MGAT4D: variants seen among roughly 807,000 people sequenced by gnomAD.
The protein encoded by MGAT4D is alpha-1,3-mannosyl-glycoprotein 4-beta-N-acetylglucosaminyltransferase-like protein MGAT4D.
A neutral mutation model predicts 15.9 loss-of-function variants in MGAT4D; 34 were observed. The observed-to-expected ratio is 2.14, with a 90% CI of 1.62 to 2.84. MGAT4D has a LOEUF of 2.84. Among genes scored for constraint, MGAT4D ranks in the 30% most tolerant of loss-of-function variants. The probability of loss-of-function intolerance (pLI) is 0.00; values close to 1 mark genes in which losing one functional copy is unlikely to be tolerated. For synonymous variants in MGAT4D, 112 were observed against 48.2 expected (o/e 2.33, Z -5.49); for missense variants, 327 against 140.2 (o/e 2.33, Z -6.73).
intron 4 of MGAT4D, among the ~76,000 whole-genome samples, chr4:140,473,195 A>G (rs1371292318): frequency 2.6e-5 from 4 of 151,928 alleles, no homozygotes; most frequent in Non-Finnish European, 5.9e-5. Context: ...TAATGATAAC[A>G]TTATGTTAAA....
chr4:140,448,430 T>C (rs926926587), intron 10 of MGAT4D, among the ~76,000 whole-genome samples: 1 of 152,192 alleles, frequency 6.6e-6, no homozygotes, highest in Non-Finnish European at 1.5e-5. Context: ...TTTTTGACTA[T>C]CTTATTTCAG....
chr4:140,446,473 T>C (rs185578189), intron 10 of MGAT4D, among the ~76,000 whole-genome samples: 2 of 152,276 alleles, frequency 1.3e-5, no homozygotes, highest in East Asian at 3.9e-4. Flanking sequence ...TTCATAACAG[T>C]CTCTTATGGT....
Position 140,442,592 on chromosome 4 carries a change from C to A in MGAT4D, c.*844G>T, listed in dbSNP as rs1345550951. The A allele has an allele frequency of 6.6e-6, 1 of 151,942 alleles. No individual in the cohort carries two copies. Among genetic ancestry groups the A allele is most frequent in the Admixed American group, 6.6e-5 (1 of 15,242 alleles). The allele number at this position is 151,942 out of a possible 1,614,324, so 9.4% of individuals were successfully genotyped here. ...ATTTTGCACCCAATAGATAGGAATA[C>A]TTTTAAGAGATATTTTTAAAGCACA... On this transcript the variant is annotated 3_prime_UTR_variant, in exon 11 of 11. Coordinates refer to ENST00000511113, the MANE Select transcript of MGAT4D (RefSeq NM_001277353.2).
intron 1 of MGAT4D, among the ~76,000 whole-genome samples, chr4:140,495,910 T>C (rs1468239724): frequency 6.6e-6 from 1 of 152,086 alleles, no homozygotes; most frequent in Non-Finnish European, 1.5e-5. Context: ...AATTTTTGTA[T>C]TTTTAGTAGA....
chr4:140,456,799 A>T, intron 8 of MGAT4D, 80 bp from the exon 9 acceptor site: 1 of 545,514 alleles, frequency 1.8e-6, no homozygotes, highest in Admixed American at 3.3e-5. Flanking sequence ...AGCAAAAGTT[A>T]TTAAAATTTA....
intron 2 of MGAT4D, among the ~76,000 whole-genome samples, chr4:140,481,139 C>A (rs1732697165): frequency 6.6e-6 from 1 of 151,922 alleles, no homozygotes; most frequent in Non-Finnish European, 1.5e-5. Flanking sequence ...GAGACCCCAT[C>A]TCTACAAAAA....
chr4:140,492,889 G>A (rs1366152274), intron 1 of MGAT4D, among the ~76,000 whole-genome samples: 7 of 152,190 alleles, frequency 4.6e-5, no homozygotes, highest in Non-Finnish European at 8.8e-5. Flanking sequence ...AAACATCTAA[G>A]CAGAGAAGGG....
At chr4:140,474,727 A>G in intron 4 of MGAT4D, 86 bp downstream of exon 4, 1 of 442,810 alleles carries the variant, frequency 2.3e-6, no homozygotes, top group Non-Finnish European at 4.0e-6. Flanking sequence ...AGTTTTCAAC[A>G]TGGTACAATG....
rs1166158893 is a variant in MGAT4D at position 140,478,989 on chromosome 4, A to G, written c.391+501T>C. Among the ~76,000 whole-genome samples the G allele has an allele frequency of 3.3e-5, 5 of 152,196 alleles. No individual in the cohort carries two copies. The East Asian group carries it at 9.6e-4, about 29-fold the overall frequency. ...ACTCACTGGAATGAGTGAGGTTTATAGGAAAGGCAGGTATCCTGAGACTTA... is the reference window on the plus strand; with the variant it reads ...ACTCACTGGAATGAGTGAGGTTTATGGGAAAGGCAGGTATCCTGAGACTTA... On this transcript the variant is annotated intron_variant, in intron 3 of 10. Coordinates refer to ENST00000511113, the MANE Select transcript of MGAT4D (RefSeq NM_001277353.2).
In MGAT4D at chr4:140,463,739, G is replaced by A. The variant is rs530979604; in HGVS notation, c.686+1157C>T. On this transcript the variant is annotated intron_variant, in intron 6 of 10. Transcript: ENST00000511113. ...AAGTTTTCAAAGTTGTGGAAAGGGT[G>A]GAAGAGCATGCCACTTAGTTTTAGG... Among the ~76,000 whole-genome samples the A allele has an allele frequency of 1.6e-4, 25 of 152,300 alleles. 1 individual carries two copies. Among genetic ancestry groups the A allele is most frequent in the African/African-American group, 5.3e-4 (22 of 41,558 alleles).
intron 3 of MGAT4D, among the ~76,000 whole-genome samples, chr4:140,478,288 C>T (rs1228324632): frequency 6.6e-6 from 1 of 152,224 alleles, no homozygotes; most frequent in African/African-American, 2.4e-5. Context: ...ATGTCTCTCT[C>T]TCCTTCCTTT....
At chr4:140,470,110 G>A (rs571277423) in intron 5 of MGAT4D, among the ~76,000 whole-genome samples, 3 of 152,354 alleles carry the variant, frequency 2.0e-5, no homozygotes, top group South Asian at 2.1e-4. Flanking sequence ...CGGGTTTAAT[G>A]TCCTCTCCTT....
At chr4:140,486,789 T>C (rs1733165291) in intron 1 of MGAT4D, among the ~76,000 whole-genome samples, 1 of 152,240 alleles carries the variant, frequency 6.6e-6, no homozygotes, top group Non-Finnish European at 1.5e-5. Flanking sequence ...TGAATCATGC[T>C]TTAATCAAAA....
Position 140,474,868 on chromosome 4 carries a change from G to A in MGAT4D, c.470C>T (p.Ser157Phe). The A allele has an allele frequency of 1.4e-6, 1 of 699,102 alleles. No homozygotes were observed. Among genetic ancestry groups the A allele is most frequent in the Non-Finnish European group, 2.6e-6 (1 of 383,556 alleles). The allele number at this position is 699,102 out of a possible 1,614,324, so 43.3% of individuals were successfully genotyped here. A position where few individuals can be genotyped will look rare whatever the true frequency, so the allele number is the denominator to read the frequency against. ...YLKQTLTSVV[S>F]RMTLSQEKDS... Reference sequence around the variant, plus strand: ...CTTCTCTTGGGAGAGCGTCATCCTGGAGACAACAGAGGTCAGTGTCTGTTT... The same window carrying A: ...CTTCTCTTGGGAGAGCGTCATCCTGAAGACAACAGAGGTCAGTGTCTGTTT... Residue 157 changes from serine (S) to phenylalanine (F), a missense_variant, in exon 4 of 11, where the codon TCC becomes TTC. By Grantham distance (155) the Ser-to-Phe change is radical. Transcript: ENST00000511113.
chr4:140,485,144 A>T (rs539373422), intron 1 of MGAT4D, among the ~76,000 whole-genome samples: 2,888 of 152,306 alleles, frequency 0.019, 86 homozygotes, highest in African/African-American at 0.062. Context: ...AAGACTTGGA[A>T]CCAACCCAAA....
At chr4:140,451,005 G>A (rs1578637218) in intron 10 of MGAT4D, among the ~76,000 whole-genome samples, 1 of 152,102 alleles carries the variant, frequency 6.6e-6, no homozygotes, top group African/African-American at 2.4e-5. Context: ...CTGGCAAAAC[G>A]AACAGTGGTC....
chr4:140,462,541 A>G (rs1731263013), intron 6 of MGAT4D: 1 of 152,298 alleles, frequency 6.6e-6, no homozygotes, highest in African/African-American at 2.4e-5. Flanking sequence ...TTATTTTGAA[A>G]GTAGTCTCCA....
intron 9 of MGAT4D, among the ~76,000 whole-genome samples, chr4:140,452,948 G>T (rs1387966330): frequency 1.3e-5 from 2 of 152,070 alleles, no homozygotes; most frequent in Non-Finnish European, 2.9e-5. Flanking sequence ...TGAGGTTTAG[G>T]TCGCATTATG....
intron 6 of MGAT4D, chr4:140,462,367 A>G (rs748617074): frequency 1.2e-5 from 2 of 163,044 alleles, no homozygotes; most frequent in Non-Finnish European, 2.7e-5. Flanking sequence ...GTCTCTACTA[A>G]CAGCTTTCTT....
Sources: allele counts gnomAD v4.1 joint callset (sites outside exome capture counted in the v4.1 genomes callset), GRCh38; gene constraint gnomAD v4.1.1; transcripts MANE v1.5; gene names NCBI Gene and HGNC (gene_info 2026-07-23, HGNC 2026-07-21).